Variants in OPCML observed in about 807,000 individuals in gnomAD.
The protein encoded by OPCML is opioid-binding protein/cell adhesion molecule.
In OPCML, 13 loss-of-function variants were observed where a neutral mutation model predicts 37.8. The ratio of observed to expected loss-of-function variants is 0.34; its 90% CI spans 0.22 to 0.55. The LOEUF (loss-of-function observed/expected upper bound fraction) is 0.55. Ranked by LOEUF, OPCML falls within the 20% of genes least tolerant of loss-of-function variation. The probability of loss-of-function intolerance (pLI) is 0.91; values close to 1 mark genes in which losing one functional copy is unlikely to be tolerated. For missense variants in OPCML, 341 were observed against 435.6 expected (o/e 0.78, Z 1.93); for synonymous variants, 176 against 168.8 (o/e 1.04, Z -0.33).
intron 1 of OPCML, among the ~76,000 whole-genome samples, chr11:133,058,548 T>C (rs1262913466): frequency 1.3e-5 from 2 of 152,126 alleles, no homozygotes; most frequent in South Asian, 2.1e-4. Context: ...CCACTTCTGT[T>C]TTATGATGCA....
intron 1 of OPCML, among the ~76,000 whole-genome samples, chr11:133,148,760 T>G (rs1196250690): frequency 1.3e-5 from 2 of 152,186 alleles, no homozygotes; most frequent in Admixed American, 1.3e-4. Context: ...TTCAGTGAGC[T>G]GTCCAGGATC....
At chr11:133,149,699 G>T (rs1949950080) in intron 1 of OPCML, among the ~76,000 whole-genome samples, 1 of 152,210 alleles carries the variant, frequency 6.6e-6, no homozygotes, top group Non-Finnish European at 1.5e-5. Flanking sequence ...GGTGCTGCTG[G>T]CTCACTGAAG....
chr11:133,159,471 C>T (rs1406060385), intron 1 of OPCML, among the ~76,000 whole-genome samples: 2 of 152,188 alleles, frequency 1.3e-5, no homozygotes, highest in African/African-American at 4.8e-5. Flanking sequence ...AGAGGGGCCA[C>T]TAAATGGCAG....
chr11:132,936,531 C>A (rs1434016276), intron 2 of OPCML, among the ~76,000 whole-genome samples: 2 of 152,056 alleles, frequency 1.3e-5, no homozygotes, highest in South Asian at 4.1e-4. Flanking sequence ...GGCATGTCCC[C>A]GCCCCACAAC....
At position 133,407,266 on chromosome 11, in the gene OPCML, C is replaced by G. The variant is rs140598088; in HGVS notation, c.61+124998G>C. ...TCAGAAGACAGAGTTAGAATTAATG[C>G]CCAATATTAATCCCTGGAGTTAGGA... On this transcript the variant is annotated intron_variant, in intron 1 of 7. Coordinates refer to ENST00000524381, the MANE Select transcript of OPCML (RefSeq NM_001012393.5). 2.0e-5 allele frequency among the ~76,000 whole-genome samples: 3 copies of G among 152,178 alleles called. No homozygotes were observed. The East Asian group carries it at 5.8e-4, about 29-fold the overall frequency.
At chr11:132,459,448 C>CTACTTCCT (rs1565580240) in intron 4 of OPCML, among the ~76,000 whole-genome samples, 21 of 135,230 alleles carry the variant, frequency 1.6e-4, no homozygotes, top group African/African-American at 5.8e-4. Flanking sequence ...TACATACATA[C>CTACTTCCT]ATATCTACTT....
At chr11:132,763,519 T>C (rs888015943) in intron 2 of OPCML, among the ~76,000 whole-genome samples, 2 of 152,288 alleles carry the variant, frequency 1.3e-5, no homozygotes, top group African/African-American at 4.8e-5. Flanking sequence ...ATGATCAAAA[T>C]GTTCTTTTAA....
At chr11:133,105,887 C>T (rs36147757) in intron 1 of OPCML, among the ~76,000 whole-genome samples, 51,250 of 151,790 alleles carry the variant, frequency 0.34, 10,372 homozygotes, top group East Asian at 0.49. Context: ...GAGGCTGAGG[C>T]AGGAGAATCG....
chr11:132,536,599 T>A (rs1247502097), intron 3 of OPCML, among the ~76,000 whole-genome samples: 1 of 152,212 alleles, frequency 6.6e-6, no homozygotes, highest in Admixed American at 6.5e-5. Context: ...TGTGAAATAC[T>A]TTTCATTACA....
chr11:133,050,337 C>A (rs1948106745), intron 1 of OPCML, among the ~76,000 whole-genome samples: 1 of 152,146 alleles, frequency 6.6e-6, no homozygotes, highest in Admixed American at 6.5e-5. Context: ...TCTGCTTGAA[C>A]CCTGGCAGAG....
At chr11:132,534,664 A>C (rs986279975) in intron 3 of OPCML, among the ~76,000 whole-genome samples, 1 of 152,194 alleles carries the variant, frequency 6.6e-6, no homozygotes, top group Admixed American at 6.5e-5. Flanking sequence ...CCAGTTCTGA[A>C]GTCCAATAGA....
intron 1 of OPCML, among the ~76,000 whole-genome samples, chr11:133,414,757 G>A (rs896362537): frequency 1.6e-4 from 24 of 152,160 alleles, no homozygotes; most frequent in Admixed American, 1.3e-3. Flanking sequence ...ACAGTGACGC[G>A]AACAGACTGT....
intron 4 of OPCML, among the ~76,000 whole-genome samples, chr11:132,509,154 T>C (rs990927821): frequency 6.6e-6 from 1 of 152,150 alleles, no homozygotes; most frequent in African/African-American, 2.4e-5. Flanking sequence ...ACTGGTGGCA[T>C]TTTGTCCTTG....
At chr11:132,727,471 A>G (rs1944927271) in intron 2 of OPCML, among the ~76,000 whole-genome samples, 1 of 152,022 alleles carries the variant, frequency 6.6e-6, no homozygotes, top group South Asian at 2.1e-4. Flanking sequence ...CTCTGTTGTC[A>G]CCCCTATAGC....
In OPCML at chr11:133,106,367, A is replaced by G. The variant is rs573812146; in HGVS notation, c.62-163357T>C. Among the ~76,000 whole-genome samples, 65 of 152,362 alleles carry G rather than the reference A, an allele frequency of 4.3e-4. 1 individual carries two copies. In the South Asian group the frequency reaches 0.012, roughly 28 times the overall value. On this transcript the variant is annotated intron_variant, in intron 1 of 7. Transcript: ENST00000524381. ...AACTCTGATATGCTCTTTAGAGTAC[A>G]TGGAAATACATAACGCAGACTTTCT...
chr11:132,421,608 T>C (rs1252541521), intron 7 of OPCML, among the ~76,000 whole-genome samples: 3 of 152,238 alleles, frequency 2.0e-5, no homozygotes, highest in African/African-American at 7.2e-5. Flanking sequence ...GAATACCTTT[T>C]CTTTCTACTT....
intron 3 of OPCML, among the ~76,000 whole-genome samples, chr11:132,590,537 A>G (rs2096482646): frequency 6.6e-6 from 1 of 152,200 alleles, no homozygotes; most frequent in African/African-American, 2.4e-5. Flanking sequence ...AATGCTTTCC[A>G]TGGACGGTTT....
At chr11:133,357,016 T>A (rs1033708166) in intron 1 of OPCML, among the ~76,000 whole-genome samples, 1 of 152,204 alleles carries the variant, frequency 6.6e-6, no homozygotes, top group Non-Finnish European at 1.5e-5. Flanking sequence ...AGAGATGTAC[T>A]GAGAAAGTAG....
In OPCML at chr11:133,001,782, CT is replaced by C. The variant is rs1426038054; in HGVS notation, c.62-58773del. Among the ~76,000 whole-genome samples the C allele has an allele frequency of 2.0e-5, 3 of 152,212 alleles. No individual in the cohort carries two copies. The East Asian group carries it at 5.8e-4, about 29-fold the overall frequency. On this transcript the variant is annotated intron_variant, in intron 1 of 7. Coordinates refer to ENST00000524381, the MANE Select transcript of OPCML (RefSeq NM_001012393.5). ...CCTCAGATCACTCAAGTATTGACCC[CT>C]TTCTCTCAGCGGAACTCTAGGTGCA... is the stretch of plus-strand genomic sequence containing the variant.
Sources: gnomAD v4.1 joint callset for allele counts (sites outside exome capture counted in the v4.1 genomes callset) on GRCh38, gnomAD v4.1.1 for gene constraint, MANE v1.5 for transcripts, NCBI Gene and HGNC (gene_info 2026-07-23, HGNC 2026-07-21) for gene names.